Variants in AGPAT3 observed in about 807,000 individuals in gnomAD.
AGPAT3 encodes the protein 1-acyl-sn-glycerol-3-phosphate acyltransferase gamma.
In AGPAT3, 5 loss-of-function variants were observed where a neutral mutation model predicts 47.3. The observed-to-expected ratio is 0.11, with a 90% CI of 0.06 to 0.22. AGPAT3 has a LOEUF of 0.22. AGPAT3 is among the 10% of genes least tolerant of loss of function. The pLI is 1.00. For synonymous variants in AGPAT3, 212 were observed against 208.3 expected, an observed-to-expected ratio of 1.02 and a Z score of -0.15; for missense variants, 315 against 493.0, an observed-to-expected ratio of 0.64 and a Z score of 3.42.
chr21:43,888,445 G>C (rs993566939), intron 1 of AGPAT3, among the ~76,000 whole-genome samples: 1 of 152,154 alleles, frequency 6.6e-6, no homozygotes, highest in Non-Finnish European at 1.5e-5. Context: ...TAATGCCTAG[G>C]TGATGGGATG....
intron 3 of AGPAT3, among the ~76,000 whole-genome samples, chr21:43,964,046 C>A (rs1230994019): frequency 6.6e-6 from 1 of 151,858 alleles, no homozygotes; most frequent in African/African-American, 2.4e-5. Context: ...AGAATGGTAG[C>A]CAAAGAAATT....
chr21:43,968,171 GGGGGTGAGCGGGGACCCAGGGAGGGCC>G (rs1569100321), intron 4 of AGPAT3, 56 bp downstream of exon 4: 4 of 1,587,468 alleles, frequency 2.5e-6, no homozygotes, highest in East Asian at 2.3e-5. Context: ...GGGGAGGGCC[GGGGGTGAGCGGGGACCCAGGGAGGGCC>G]GGGGTGAGCA....
At chr21:43,968,289 G>A (rs1164827612) in intron 4 of AGPAT3, among the ~76,000 whole-genome samples, 174 bp downstream of exon 4, 1 of 147,336 alleles carries the variant, frequency 6.8e-6, no homozygotes, top group Non-Finnish European at 1.5e-5. Context: ...GGATGAGCAG[G>A]GTGGGGTGGT....
At chr21:43,967,855 C>A in intron 3 of AGPAT3, 91 bp from the exon 4 acceptor site, 1 of 1,352,718 alleles carries the variant, frequency 7.4e-7, no homozygotes, top group Non-Finnish European at 1.0e-6. Context: ...CCTCTCTGGA[C>A]AAAAATACTG....
At chr21:43,972,819 C>G (rs1396041538) in intron 7 of AGPAT3, among the ~76,000 whole-genome samples, 4 of 152,248 alleles carry the variant, frequency 2.6e-5, no homozygotes, top group African/African-American at 9.6e-5. Context: ...CTGGATGGCC[C>G]TTGTTGAGCT....
At chr21:43,893,208 C>G (rs1396680567) in intron 1 of AGPAT3, among the ~76,000 whole-genome samples, 1 of 152,248 alleles carries the variant, frequency 6.6e-6, no homozygotes, top group African/African-American at 2.4e-5. Flanking sequence ...TTCACCTGCA[C>G]TTTTATGTGA....
chr21:43,936,113 C>T (rs1048718638), intron 2 of AGPAT3, among the ~76,000 whole-genome samples: 15 of 152,248 alleles, frequency 9.9e-5, no homozygotes, highest in African/African-American at 1.7e-4. Flanking sequence ...GGTGGTCAAT[C>T]TGCTCACTTC....
intron 2 of AGPAT3, among the ~76,000 whole-genome samples, chr21:43,956,151 C>T (rs1277758241): frequency 2.6e-5 from 4 of 152,120 alleles, no homozygotes; most frequent in Non-Finnish European, 2.9e-5. Context: ...CAGGGCGGCC[C>T]CCACCCTGTA....
Position 43,967,986 on chromosome 21 carries a change from T to C in AGPAT3, c.219T>C (p.Cys73=), listed in dbSNP as rs752119997. ...MLLEWWSCTE[C]TLFTDQATVE... The stretch of plus-strand genomic sequence containing the variant: ...TGGAGTGGTGGTCCTGCACGGAGTG[T>C]ACACTGTTCACGGACCAGGCCACGG... Residue 73 remains cysteine (C), a synonymous_variant, in exon 4 of 10, where the codon TGT becomes TGC. Transcript: ENST00000291572. 6 of 1,613,894 alleles carry C rather than the reference T, an allele frequency of 3.7e-6. No homozygotes were observed. The South Asian group carries it at 4.4e-5, about 12-fold the overall frequency.
intron 6 of AGPAT3, 81 bp from the exon 7 acceptor site, chr21:43,971,307 A>G: frequency 7.9e-7 from 1 of 1,265,050 alleles, no homozygotes. Flanking sequence ...GCCGGGTCCC[A>G]GGTGGAACTT....
chr21:43,923,032 A>C (rs2086941152), intron 2 of AGPAT3, among the ~76,000 whole-genome samples: 1 of 152,106 alleles, frequency 6.6e-6, no homozygotes, highest in Non-Finnish European at 1.5e-5. Flanking sequence ...GTGCTTCCCA[A>C]AGAAAACCAG....
intron 1 of AGPAT3, among the ~76,000 whole-genome samples, chr21:43,873,602 T>A (rs1191081728): frequency 6.6e-6 from 1 of 152,212 alleles, no homozygotes; most frequent in Non-Finnish European, 1.5e-5. Context: ...GGTCTCGAAC[T>A]CCTGACCTCA....
At chr21:43,974,043 T>C (rs907308397) in intron 7 of AGPAT3, among the ~76,000 whole-genome samples, 4 of 152,202 alleles carry the variant, frequency 2.6e-5, no homozygotes, top group Non-Finnish European at 4.4e-5. Flanking sequence ...CGATAAAACC[T>C]GTATGTGGGG....
chr21:43,981,417 C>T lies in AGPAT3; in HGVS notation c.1042+230C>T. On this transcript the variant is annotated intron_variant, in intron 9 of 9. Coordinates refer to ENST00000291572, the MANE Select transcript of AGPAT3 (RefSeq NM_020132.5). The surrounding 1 kb of genome is among the most constrained non-coding windows in gnomAD (Gnocchi z 5.3). ...CGAACGGCCGCCACCTGGCGCCATCCCCACTGCAGCCCCACTGGCTGGCGC... is the reference window on the plus strand; with the variant it reads ...CGAACGGCCGCCACCTGGCGCCATCTCCACTGCAGCCCCACTGGCTGGCGC... 1.7e-6 allele frequency: 1 copy of T among 583,352 alleles called. No homozygotes were observed. The highest frequency in any genetic ancestry group is 2.9e-5 in the East Asian group (1 of 34,480). 36.1% of individuals were successfully genotyped at this position (583,352 alleles called of 1,614,324 possible).
Position 43,987,319 on chromosome 21 carries a change from C to G in AGPAT3, c.*4927C>G, listed in dbSNP as rs1221988547. 6.6e-6 allele frequency among the ~76,000 whole-genome samples: 1 copy of G among 152,146 alleles called. No individual in the cohort carries two copies. Among genetic ancestry groups the G allele is most frequent in the African/African-American group, 2.4e-5 (1 of 41,428 alleles). On this transcript the variant is annotated 3_prime_UTR_variant, in exon 10 of 10. Transcript: ENST00000291572. ...ACTTTTCAAGGCCCTCCCTTCCCTA[C>G]GAGTTGCTTTCTGGGAGGGGAAATT...
At position 43,985,500 on chromosome 21, in the gene AGPAT3, G is replaced by A. The variant is rs117775713; in HGVS notation, c.*3108G>A. 12 of 315,740 alleles carry A rather than the reference G, an allele frequency of 3.8e-5. No individual in the cohort carries two copies. Among genetic ancestry groups the A allele is most frequent in the East Asian group, 9.0e-5 (1 of 11,056 alleles). The allele number at this position is 315,740 out of a possible 1,614,324, so 19.6% of individuals were successfully genotyped here. A position where few individuals can be genotyped will look rare whatever the true frequency, so the allele number is the denominator to read the frequency against. ...CCGTGGCATGAGAATCTTTCCTCAC[G>A]CTGTTCGTTGCGGTATTGCTGAGCA... On this transcript the variant is annotated 3_prime_UTR_variant, in exon 10 of 10. Coordinates refer to ENST00000291572, the MANE Select transcript of AGPAT3 (RefSeq NM_020132.5).
intron 2 of AGPAT3, among the ~76,000 whole-genome samples, chr21:43,914,829 AC>A (rs1394517364): frequency 6.6e-6 from 1 of 152,198 alleles, no homozygotes; most frequent in African/African-American, 2.4e-5. Flanking sequence ...GGCCTGAGCC[AC>A]CGTGCCCAGT....
chr21:43,980,896 A>C, intron 8 of AGPAT3, 93 bp from the exon 9 acceptor site: 2 of 1,225,474 alleles, frequency 1.6e-6, no homozygotes, highest in Admixed American at 2.1e-5. Context: ...TTTTAGGTTG[A>C]GTCGTTTTTC....
At chr21:43,950,334 C>T (rs1215722479) in intron 2 of AGPAT3, among the ~76,000 whole-genome samples, 1 of 152,314 alleles carries the variant, frequency 6.6e-6, no homozygotes, top group East Asian at 1.9e-4. Context: ...GACTTTTAGT[C>T]TCCTGCTAAT....
Sources: allele counts gnomAD v4.1 joint callset (sites outside exome capture counted in the v4.1 genomes callset), GRCh38; gene constraint gnomAD v4.1.1; non-coding constraint Gnocchi (gnomAD v3.1); transcripts MANE v1.5; gene names NCBI Gene and HGNC (gene_info 2026-07-23, HGNC 2026-07-21).